The following SPTA1 variants were observed in gnomAD, a reference collection of about 807,000 sequenced individuals.
SPTA1 encodes spectrin alpha chain, erythrocytic 1.
A neutral mutation model predicts 324.7 loss-of-function variants in SPTA1; 177 were observed. The observed-to-expected ratio is 0.55, with a 90% CI of 0.48 to 0.62. The LOEUF is 0.62. Ranked by LOEUF, SPTA1 falls within the 20% of genes least tolerant of loss-of-function variation. SPTA1 has a pLI of 0.00. For synonymous variants in SPTA1, 1,195 were observed against 1,041.3 expected (o/e 1.15, Z -2.84); for missense variants, 3,162 against 2,883.6 (o/e 1.10, Z -2.21).
chr1:158,634,349 T>A (rs1650901482), intron 39 of SPTA1, among the ~76,000 whole-genome samples, 194 bp downstream of exon 39: 1 of 152,218 alleles, frequency 6.6e-6, no homozygotes, highest in Non-Finnish European at 1.5e-5. Flanking sequence ...GCCTGATTGG[T>A]TCCGTAATCT....
chr1:158,657,028 A>G (rs1189034797), intron 19 of SPTA1, among the ~76,000 whole-genome samples: 2 of 152,220 alleles, frequency 1.3e-5, no homozygotes, highest in African/African-American at 4.8e-5. Flanking sequence ...CCAGCTTCCT[A>G]TGGGACAATG....
rs765170838 is a variant in SPTA1 at position 158,651,460 on chromosome 1, A to C, written c.3384T>G (p.Asn1128Lys). The C allele has an allele frequency of 2.5e-6, 4 of 1,611,030 alleles. No individual in the cohort carries two copies. In the African/African-American group the frequency reaches 5.3e-5, roughly 22 times the overall value. ...KKFDEFQKDL[N>K]TNEPRLRDIN... ...TATCCCTTAGCCGAGGCTCATTGGT[A>C]TTCAAATCCTGAATGGGAAAATTCA... The change falls in exon 24 of 52, where the codon AAT (asparagine) becomes AAG (lysine). Residue 1128 changes from asparagine (N) to lysine (K), a missense_variant. Transcript: ENST00000643759.
intron 20 of SPTA1, among the ~76,000 whole-genome samples, chr1:158,656,132 C>T (rs1652805870): frequency 6.6e-6 from 1 of 152,124 alleles, no homozygotes; most frequent in Non-Finnish European, 1.5e-5. Flanking sequence ...AACATCTGGC[C>T]TCCTAATAGA....
In SPTA1 at chr1:158,639,775, C is replaced by A. The variant is rs1050031836; in HGVS notation, c.4876-89G>T. ...AGCAGCTATGTCCCCAAACTTTTCC[C>A]AGGAAAATTCAAGGAAATTGCCCAT... On this transcript the variant is annotated intron_variant, in intron 34 of 51. Transcript: ENST00000643759. 7.4e-6 allele frequency: 12 copies of A among 1,611,862 alleles called. No homozygotes were observed. The Admixed American group carries it at 1.0e-4, about 13-fold the overall frequency.
intron 1 of SPTA1, among the ~76,000 whole-genome samples, 156 bp downstream of exon 1, chr1:158,686,337 TA>T (rs1256275018): frequency 2.7e-5 from 4 of 148,716 alleles, no homozygotes; most frequent in South Asian, 2.1e-4. Context: ...AGCTCAAGGT[TA>T]TTGTTCACAA....
chr1:158,633,603 G>C (rs1260504873), intron 39 of SPTA1, among the ~76,000 whole-genome samples: 1 of 148,456 alleles, frequency 6.7e-6, no homozygotes, highest in Non-Finnish European at 1.5e-5. Flanking sequence ...AGAGCTTGCA[G>C]TGAGCCAAGA....
chr1:158,686,085 A>G (rs1655151940), intron 1 of SPTA1, among the ~76,000 whole-genome samples: 1 of 152,230 alleles, frequency 6.6e-6, no homozygotes, highest in Non-Finnish European at 1.5e-5. Flanking sequence ...GGATATGGAT[A>G]CCATTTTCCC....
At chr1:158,621,976 TGCCTCA>T (rs1326139932) in intron 43 of SPTA1, among the ~76,000 whole-genome samples, 1 of 152,224 alleles carries the variant, frequency 6.6e-6, no homozygotes, top group Non-Finnish European at 1.5e-5. Flanking sequence ...GCCGTTCTCC[TGCCTCA>T]GCCTCCTGAG....
intron 51 of SPTA1, 118 bp from the exon 52 acceptor site, chr1:158,611,507 C>T (rs1332849172): frequency 9.3e-6 from 11 of 1,181,072 alleles, no homozygotes; most frequent in Non-Finnish European, 7.2e-6. Context: ...AGACGCAAGC[C>T]CTATTTCTAT....
chr1:158,665,329 T>C (rs956805127), intron 16 of SPTA1, among the ~76,000 whole-genome samples: 9 of 152,348 alleles, frequency 5.9e-5, no homozygotes, highest in African/African-American at 2.2e-4. Flanking sequence ...GAGAGCCATC[T>C]CTAAAGGTAT....
intron 27 of SPTA1, among the ~76,000 whole-genome samples, chr1:158,646,614 T>C (rs1006984231): frequency 6.6e-6 from 1 of 152,164 alleles, no homozygotes; most frequent in Non-Finnish European, 1.5e-5. Context: ...AACACTACTC[T>C]GAAATACTGA....
chr1:158,639,563 G>A lies in SPTA1; in HGVS notation c.4980+19C>T. On this transcript the variant is annotated intron_variant, in intron 35 of 51. Coordinates refer to ENST00000643759, the MANE Select transcript of SPTA1 (RefSeq NM_003126.4). ...TATTTCTATTCTGCCCAGAGGAGAG[G>A]GATGCCAACACTACTTACCTCTCGA... 6.2e-7 allele frequency: 1 copy of A among 1,609,942 alleles called. No individual in the cohort carries two copies. Among genetic ancestry groups the A allele is most frequent in the Non-Finnish European group, 8.5e-7 (1 of 1,176,406 alleles).
At position 158,666,507 on chromosome 1, in the gene SPTA1, G is replaced by T; in HGVS notation, c.2039-10C>A. Reference sequence around the variant, plus strand: ...TCATGCAACTGGGTCCCTGGGAGAAGACATAAGGTAGAAGACATTAGGTAC... The same window carrying T: ...TCATGCAACTGGGTCCCTGGGAGAATACATAAGGTAGAAGACATTAGGTAC... On this transcript the variant is annotated splice_polypyrimidine_tract_variant and intron_variant, in intron 15 of 51. Transcript: ENST00000643759. The T allele has an allele frequency of 6.2e-7, 1 of 1,605,472 alleles. No homozygotes were observed.
intron 27 of SPTA1, among the ~76,000 whole-genome samples, 158 bp downstream of exon 27, chr1:158,647,381 C>T (rs1571442327): frequency 6.6e-6 from 1 of 152,232 alleles, no homozygotes; most frequent in East Asian, 1.9e-4. Context: ...TATTTTATTG[C>T]TTCTAGTTTC....
chr1:158,657,836 C>G (rs1302583151), intron 18 of SPTA1, 142 bp from the exon 19 acceptor site: 8 of 832,394 alleles, frequency 9.6e-6, no homozygotes, highest in Middle Eastern at 3.6e-4. Context: ...CTTGAGTTAC[C>G]TGGGAATTGA....
chr1:158,674,792 A>C, intron 8 of SPTA1, 117 bp from the exon 9 acceptor site: 1 of 1,395,916 alleles, frequency 7.2e-7, no homozygotes, highest in Non-Finnish European at 1.0e-6. Context: ...CTCTAATCCT[A>C]GGTTCCCTTT....
rs112116104 is a variant in SPTA1 at position 158,640,311 on chromosome 1, C to CT, written c.4738-305_4738-304insA. Among the ~76,000 whole-genome samples, 42,163 of 151,944 alleles carry CT rather than the reference C, an allele frequency of 0.28. 5,972 individuals are homozygous for CT. The highest frequency in any genetic ancestry group is 0.32 in the Middle Eastern group (95 of 294). On this transcript the variant is annotated intron_variant, in intron 33 of 51. Transcript: ENST00000643759. ...GCATGATAAGAGTTTGGAATTAAGC[C>CT]GAAGCTTTCTTAGTGTTCCAGGTAC...
At chr1:158,615,997 C>T (rs893822302) in intron 47 of SPTA1, among the ~76,000 whole-genome samples, 2 of 152,102 alleles carry the variant, frequency 1.3e-5, no homozygotes, top group African/African-American at 4.8e-5. Flanking sequence ...GGGAATATTG[C>T]TCATAAGGGT....
chr1:158,684,992 TAAACG>T, intron 2 of SPTA1, 111 bp downstream of exon 2: 2 of 1,286,930 alleles, frequency 1.6e-6, no homozygotes, highest in African/African-American at 1.5e-5. Context: ...TTTTTGTTTC[TAAACG>T]GAATCTAATT....
Sources: gnomAD v4.1 joint callset for allele counts (sites outside exome capture counted in the v4.1 genomes callset) on GRCh38, gnomAD v4.1.1 for gene constraint, MANE v1.5 for transcripts, NCBI Gene and HGNC (gene_info 2026-07-23, HGNC 2026-07-21) for gene names.